Variants in HPSE2 observed in about 807,000 individuals in gnomAD.
The protein encoded by HPSE2 is heparanase 2 (inactive).
HPSE2 carries 38 observed loss-of-function variants against 60.5 expected under a neutral mutation model. The observed-to-expected ratio is 0.63, with a 90% CI of 0.48 to 0.82. The LOEUF (loss-of-function observed/expected upper bound fraction) is 0.82, where lower values mean the gene tolerates loss of function less well. Ranked by LOEUF, HPSE2 falls within the 40% of genes least tolerant of loss-of-function variation. HPSE2 has a pLI of 0.00. For synonymous variants in HPSE2, 295 were observed against 293.2 expected (o/e 1.01, Z -0.06); for missense variants, 713 against 740.4 (o/e 0.96, Z 0.43).
intron 9 of HPSE2, among the ~76,000 whole-genome samples, chr10:98,584,947 C>T (rs1244540217): frequency 6.6e-6 from 1 of 152,092 alleles, no homozygotes. Context: ...TCCTGTAGTA[C>T]TAAGAAGAAT....
At chr10:98,985,010 T>C (rs1293834955) in intron 3 of HPSE2, among the ~76,000 whole-genome samples, 1 of 152,140 alleles carries the variant, frequency 6.6e-6, no homozygotes, top group African/African-American at 2.4e-5. Context: ...CAAATCTACA[T>C]ATGATTGGTG....
intron 2 of HPSE2, among the ~76,000 whole-genome samples, chr10:99,214,638 T>C (rs967495541): frequency 4.4e-4 from 67 of 151,870 alleles, no homozygotes; most frequent in African/African-American, 1.5e-3. Flanking sequence ...AAAGAAACTA[T>C]CATCAGGGTG....
the HPSE2 span, among the ~76,000 whole-genome samples, chr10:99,260,738 C>G: frequency 6.6e-6 from 1 of 152,118 alleles, no homozygotes; most frequent in African/African-American, 2.4e-5. Context: ...TTTGGGGACA[C>G]CTGGTTTGGC....
intron 2 of HPSE2, among the ~76,000 whole-genome samples, chr10:99,229,991 G>T (rs1430536395): frequency 6.6e-6 from 1 of 152,190 alleles, no homozygotes; most frequent in East Asian, 1.9e-4. Context: ...AAGACAGTAT[G>T]GGTAATTTAA....
At chr10:99,122,431 T>C (rs927824276) in intron 3 of HPSE2, among the ~76,000 whole-genome samples, 9 of 151,878 alleles carry the variant, frequency 5.9e-5, no homozygotes, top group Admixed American at 4.6e-4. Context: ...TGTATACCTA[T>C]GAAACACAAA....
At chr10:98,573,688 G>A (rs947506714) in intron 9 of HPSE2, among the ~76,000 whole-genome samples, 3 of 152,168 alleles carry the variant, frequency 2.0e-5, no homozygotes, top group African/African-American at 7.2e-5. Context: ...CACAGGTCAT[G>A]GCTCAAACCT....
intron 2 of HPSE2, among the ~76,000 whole-genome samples, chr10:99,160,392 A>G (rs984955679): frequency 4.6e-5 from 7 of 152,178 alleles, no homozygotes; most frequent in African/African-American, 1.4e-4. Flanking sequence ...CACACCCACT[A>G]GAATAGTTAT....
At chr10:99,234,203 C>A (rs1204567350) in intron 1 of HPSE2, among the ~76,000 whole-genome samples, 1 of 152,186 alleles carries the variant, frequency 6.6e-6, no homozygotes, top group Non-Finnish European at 1.5e-5. Context: ...CAACAGGAAC[C>A]GAAACGGCCT....
At chr10:99,235,377 A>C (rs1849804501) in intron 1 of HPSE2, 136 bp downstream of exon 1, 1 of 821,588 alleles carries the variant, frequency 1.2e-6, no homozygotes. Context: ...ATCCAGGAGA[A>C]GGAAAACCTC....
chr10:98,769,276 C>A (rs1950191107), intron 3 of HPSE2, among the ~76,000 whole-genome samples: 1 of 152,134 alleles, frequency 6.6e-6, no homozygotes, highest in African/African-American at 2.4e-5. Context: ...CCATAAAAAA[C>A]ACCCTCTTTC....
intron 3 of HPSE2, among the ~76,000 whole-genome samples, chr10:98,993,153 AC>A (rs1488518291): frequency 2.0e-5 from 3 of 152,246 alleles, no homozygotes; most frequent in African/African-American, 7.2e-5. Flanking sequence ...AGAGTAAATT[AC>A]AAGGAACATA....
the HPSE2 span, among the ~76,000 whole-genome samples, chr10:99,304,800 C>T: frequency 6.6e-6 from 1 of 152,198 alleles, no homozygotes; most frequent in Non-Finnish European, 1.5e-5. Flanking sequence ...ATGCTGCTTA[C>T]AGACAGAAAC....
At chr10:98,536,415 G>A (rs147087478) in intron 9 of HPSE2, among the ~76,000 whole-genome samples, 97 of 152,332 alleles carry the variant, frequency 6.4e-4, no homozygotes, top group African/African-American at 2.2e-3. Context: ...GGTGATGCTG[G>A]AAAGAGAGAG....
intron 2 of HPSE2, among the ~76,000 whole-genome samples, chr10:99,214,059 A>G (rs369456689): frequency 3.9e-5 from 6 of 152,346 alleles, no homozygotes; most frequent in African/African-American, 1.4e-4. Flanking sequence ...CTGAAGAGAC[A>G]TTTCTCAAAA....
chr10:98,929,717 C>G (rs1954589886), intron 3 of HPSE2, among the ~76,000 whole-genome samples: 1 of 144,164 alleles, frequency 6.9e-6, no homozygotes, highest in Non-Finnish European at 1.5e-5. Context: ...CTAGAACAGA[C>G]ATCAGCAATC....
intron 3 of HPSE2, among the ~76,000 whole-genome samples, chr10:98,928,606 T>C (rs1338061192): frequency 1.7e-5 from 2 of 117,898 alleles, no homozygotes; most frequent in Non-Finnish European, 3.4e-5. Flanking sequence ...CCAACAATGA[T>C]AGACTGGATT....
At chr10:98,613,351 C>G (rs574505664) in intron 9 of HPSE2, among the ~76,000 whole-genome samples, 60 of 152,348 alleles carry the variant, frequency 3.9e-4, no homozygotes, top group African/African-American at 1.4e-3. Context: ...CTCTCCACCC[C>G]AGTCTCCCAC....
At chr10:99,237,627 T>A (rs959806068), upstream of HPSE2, among the ~76,000 whole-genome samples, 2 of 152,254 alleles carry the variant, frequency 1.3e-5, no homozygotes, top group African/African-American at 2.4e-5. Context: ...ATGATTTTTT[T>A]AAATCAAGCT....
intron 3 of HPSE2, among the ~76,000 whole-genome samples, chr10:98,846,650 CAAAG>C (rs1952042111): frequency 6.6e-6 from 1 of 152,194 alleles, no homozygotes; most frequent in Non-Finnish European, 1.5e-5. Context: ...AGCCAACAAA[CAAAG>C]AAGCATATTT....
Sources: gnomAD v4.1 joint callset for allele counts (sites outside exome capture counted in the v4.1 genomes callset) on GRCh38, gnomAD v4.1.1 for gene constraint, MANE v1.5 for transcripts, NCBI Gene and HGNC (gene_info 2026-07-23, HGNC 2026-07-21) for gene names.